The following PKIG variants were observed in gnomAD, a reference collection of about 807,000 sequenced individuals.
The protein encoded by PKIG is protein kinase (cAMP-dependent, catalytic) inhibitor gamma.
Under a neutral mutation model 6.8 loss-of-function variants are expected in PKIG, and 1 was observed. The ratio of observed to expected loss-of-function variants is 0.15; its 90% CI spans 0.05 to 0.69. PKIG has a LOEUF of 0.69. PKIG is among the 30% of genes least tolerant of loss of function. The probability of loss-of-function intolerance (pLI) is 0.82; values close to 1 mark genes in which losing one functional copy is unlikely to be tolerated. For synonymous variants in PKIG, 39 were observed against 43.0 expected (o/e 0.91, Z 0.36); for missense variants, 77 against 104.0 (o/e 0.74, Z 1.13).
chr20:44,532,977 CTG>C (rs979717556), intron 1 of PKIG, among the ~76,000 whole-genome samples: 16 of 152,082 alleles, frequency 1.1e-4, no homozygotes, highest in Non-Finnish European at 1.8e-4. Flanking sequence ...TCCTGAAAGA[CTG>C]TAAGTGTGGA....
chr20:44,600,143 A>T (rs244096), intron 2 of PKIG, among the ~76,000 whole-genome samples: 34,589 of 152,054 alleles, frequency 0.23, 5,234 homozygotes, highest in African/African-American at 0.43. Flanking sequence ...AAAGGCTTTG[A>T]GGTCAGGAAT....
At chr20:44,543,794 G>A (rs1011668300) in intron 1 of PKIG, among the ~76,000 whole-genome samples, 1 of 152,102 alleles carries the variant, frequency 6.6e-6, no homozygotes, top group African/African-American at 2.4e-5. Flanking sequence ...GCTTACACCC[G>A]TAAAATACCT....
Position 44,605,662 on chromosome 20 carries a change from C to T in PKIG, c.-23-8872C>T, listed in dbSNP as rs556558412. 8.6e-5 allele frequency among the ~76,000 whole-genome samples: 13 copies of T among 151,940 alleles called. No homozygotes were observed. In the South Asian group the frequency reaches 2.7e-3, roughly 31 times the overall value. On this transcript the variant is annotated intron_variant, in intron 2 of 3. Transcript: ENST00000372886. Reference sequence around the variant, plus strand: ...GGCGTGGTGGCTCACACCTGTAATCCCAGCAGTTTGGGAGGCTCAGGCAGG... The same window carrying T: ...GGCGTGGTGGCTCACACCTGTAATCTCAGCAGTTTGGGAGGCTCAGGCAGG...
upstream of PKIG, among the ~76,000 whole-genome samples, chr20:44,577,720 C>T (rs1170042928): frequency 6.6e-6 from 1 of 152,132 alleles, no homozygotes; most frequent in African/African-American, 2.4e-5. Flanking sequence ...TGAAACCTGC[C>T]TTTGATGGGT....
Position 44,614,322 on chromosome 20 carries a change from A to T in PKIG, c.-23-212A>T, listed in dbSNP as rs1211546691. On this transcript the variant is annotated intron_variant, in intron 2 of 3. Transcript: ENST00000372886. This position sits in a 1 kb window ranked among gnomAD's most constrained non-coding sequence, Gnocchi z 4.6. The stretch of plus-strand genomic sequence containing the variant: ...TTTATTTAAAGAAAAGTCTGAGCCC[A>T]TGTTCTTTAAAATGTTGATGGTGGT... The T allele has an allele frequency of 4.1e-6, 2 of 484,538 alleles. No individual in the cohort carries two copies. The highest frequency in any genetic ancestry group is 7.4e-6 in the Non-Finnish European group (2 of 271,714). The allele number at this position is 484,538 out of a possible 1,614,324, so 30.0% of individuals were successfully genotyped here. A position where few individuals can be genotyped will look rare whatever the true frequency, so the allele number is the denominator to read the frequency against.
chr20:44,584,150 C>T (rs201641345), intron 1 of PKIG, among the ~76,000 whole-genome samples: 2 of 152,262 alleles, frequency 1.3e-5, no homozygotes, highest in South Asian at 4.2e-4. Context: ...TGACTGAGGA[C>T]AACCATCTAC....
chr20:44,585,964 A>C (rs1169098484), intron 1 of PKIG, among the ~76,000 whole-genome samples: 5 of 152,042 alleles, frequency 3.3e-5, no homozygotes, highest in African/African-American at 1.2e-4. Flanking sequence ...TAAGAGCTCT[A>C]GAGTTCAGTG....
chr20:44,532,267 T>C (rs1289366084), intron 1 of PKIG, among the ~76,000 whole-genome samples: 1 of 152,162 alleles, frequency 6.6e-6, no homozygotes, highest in African/African-American at 2.4e-5. Flanking sequence ...AGAAAATAAC[T>C]CAAAACTGTG....
upstream of PKIG, among the ~76,000 whole-genome samples, chr20:44,579,195 C>T (rs1262904952): frequency 6.6e-6 from 1 of 152,024 alleles, no homozygotes; most frequent in Non-Finnish European, 1.5e-5. Flanking sequence ...AAAGACCTGC[C>T]CCCAACTAAA....
In PKIG at chr20:44,599,499, G is replaced by A. The variant is rs138883162; in HGVS notation, c.-24+9633G>A. Among the ~76,000 whole-genome samples, 652 of 152,188 alleles carry A rather than the reference G, an allele frequency of 4.3e-3. 9 individuals carry two copies. The highest frequency in any genetic ancestry group is 0.015 in the African/African-American group (612 of 41,500). ...AGCACTTTAGGAGGCTGAGGCGGGC[G>A]GATCACAAGGTCAAGAGATCGAGAC... On this transcript the variant is annotated intron_variant, in intron 2 of 3. Transcript: ENST00000372886.
intron 1 of PKIG, among the ~76,000 whole-genome samples, chr20:44,572,140 A>G (rs1369018704): frequency 6.6e-6 from 1 of 152,122 alleles, no homozygotes; most frequent in Non-Finnish European, 1.5e-5. Flanking sequence ...AGTAGCCGGG[A>G]TTACAGGTGC....
At chr20:44,565,953 G>T (rs1038024748) in intron 1 of PKIG, among the ~76,000 whole-genome samples, 1 of 152,154 alleles carries the variant, frequency 6.6e-6, no homozygotes. Context: ...GTAGAGATGG[G>T]GTTTCACCAT....
intron 1 of PKIG, among the ~76,000 whole-genome samples, chr20:44,548,045 G>A (rs1600842269): frequency 1.3e-5 from 2 of 152,202 alleles, no homozygotes; most frequent in South Asian, 4.2e-4. Flanking sequence ...CGGGTGTGGT[G>A]TTGTGCACCT....
At chr20:44,549,283 C>T (rs1490145984) in intron 1 of PKIG, among the ~76,000 whole-genome samples, 1 of 152,126 alleles carries the variant, frequency 6.6e-6, no homozygotes, top group Non-Finnish European at 1.5e-5. Flanking sequence ...GTACAAGATA[C>T]AGTTTTATCT....
chr20:44,600,616 T>C (rs2065113105), intron 2 of PKIG, among the ~76,000 whole-genome samples: 2 of 150,134 alleles, frequency 1.3e-5, no homozygotes, highest in South Asian at 4.2e-4. Flanking sequence ...GAGGCCAAGG[T>C]GGGAGGATTG....
intron 2 of PKIG, among the ~76,000 whole-genome samples, chr20:44,603,118 A>G (rs1600892586): frequency 1.3e-5 from 2 of 152,134 alleles, no homozygotes; most frequent in African/African-American, 4.8e-5. Context: ...CAGTAAACAC[A>G]CCAGCCAGGG....
intron 2 of PKIG, among the ~76,000 whole-genome samples, chr20:44,603,082 G>A (rs770751762): frequency 6.6e-6 from 1 of 152,126 alleles, no homozygotes; most frequent in South Asian, 2.1e-4. Context: ...TGAGCTTCAA[G>A]TATGTGCAGG....
intron 1 of PKIG, among the ~76,000 whole-genome samples, chr20:44,554,273 G>C (rs1193683904): frequency 6.6e-6 from 1 of 152,022 alleles, no homozygotes; most frequent in African/African-American, 2.4e-5. Context: ...AGTAGAGACA[G>C]GGTTTCACCA....
intron 1 of PKIG, among the ~76,000 whole-genome samples, chr20:44,554,235 G>T (rs2064693879): frequency 6.6e-6 from 1 of 151,804 alleles, no homozygotes; most frequent in South Asian, 2.1e-4. Context: ...ACACCACCAT[G>T]CCTGGCTAAT....
Sources: allele counts gnomAD v4.1 joint callset (sites outside exome capture counted in the v4.1 genomes callset), GRCh38; gene constraint gnomAD v4.1.1; non-coding constraint Gnocchi (gnomAD v3.1); transcripts MANE v1.5; gene names NCBI Gene and HGNC (gene_info 2026-07-23, HGNC 2026-07-21).